ALKBH3: variants seen among roughly 807,000 people sequenced by gnomAD.
The protein encoded by ALKBH3 is alkB homolog 3, alpha-ketoglutarate dependent dioxygenase.
A neutral mutation model predicts 43.9 loss-of-function variants in ALKBH3; 51 were observed. The ratio of observed to expected loss-of-function variants is 1.16; its 90% CI spans 0.93 to 1.47. The LOEUF is 1.47. Ranked by LOEUF, ALKBH3 falls within the 40% of genes most tolerant of loss-of-function variation. The pLI, the probability that ALKBH3 is intolerant of heterozygous loss-of-function variation, is 0.00. For synonymous variants in ALKBH3, 102 were observed against 115.2 expected, an observed-to-expected ratio of 0.89 and a Z score of 0.73; for missense variants, 361 against 351.9, an observed-to-expected ratio of 1.03 and a Z score of -0.21.
chr11:43,919,973 G>A lies in ALKBH3; in HGVS notation c.824G>A (p.Arg275Gln), dbSNP rs1309421862. The A allele has an allele frequency of 6.8e-6, 11 of 1,613,950 alleles. No homozygotes were observed. The highest frequency in any genetic ancestry group is 3.3e-5 in the Admixed American group (2 of 59,976). The part of the protein sequence containing the change: ...SREPRVNLTF[R>Q]TVYPDPRGAP... ...GAACCGAGAGTGAACCTGACCTTTC[G>A]GACAGTCTATCCAGACCCTCGAGGG... Residue 275 changes from arginine to glutamine, a missense_variant, in exon 10 of 10, where the codon CGG (arginine) becomes CAG (glutamine). Coordinates refer to ENST00000302708, the MANE Select transcript of ALKBH3 (RefSeq NM_139178.4).
At chr11:43,896,510 T>G (rs1489669275) in intron 7 of ALKBH3, among the ~76,000 whole-genome samples, 1 of 152,136 alleles carries the variant, frequency 6.6e-6, no homozygotes, top group East Asian at 1.9e-4. Flanking sequence ...CACATTTTTC[T>G]GCCTGCTTTA....
chr11:43,906,752 G>A (rs191788468), intron 8 of ALKBH3, among the ~76,000 whole-genome samples: 131 of 152,272 alleles, frequency 8.6e-4, no homozygotes, highest in African/African-American at 2.9e-3. Flanking sequence ...GAAATCAATT[G>A]TTGATAGCCA....
intron 8 of ALKBH3, among the ~76,000 whole-genome samples, chr11:43,903,162 G>T (rs1034756087): frequency 2.0e-5 from 3 of 152,162 alleles, no homozygotes; most frequent in Admixed American, 1.3e-4. Flanking sequence ...TTAGGGGATT[G>T]GTAGTTGCCG....
In ALKBH3 at chr11:43,883,122, C is replaced by G; in HGVS notation, c.117C>G (p.Gly39=). 1 of 1,614,038 alleles carries G rather than the reference C, an allele frequency of 6.2e-7. No individual in the cohort carries two copies. Among genetic ancestry groups the G allele is most frequent in the Non-Finnish European group, 8.5e-7 (1 of 1,179,996 alleles). ...TAKSHLHQKP[G]QTWKNKEHHL... Reference sequence around the variant, plus strand: ...AGAGCCATCTCCACCAGAAGCCTGGCCAGACCTGGAAGAACAAAGAGCATC... The same window carrying G: ...AGAGCCATCTCCACCAGAAGCCTGGGCAGACCTGGAAGAACAAAGAGCATC... Residue 39 remains glycine (G), a synonymous_variant, in exon 3 of 10, where the codon GGC becomes GGG. Transcript: ENST00000302708.
intron 9 of ALKBH3, 61 bp from the exon 10 acceptor site, chr11:43,919,857 G>A (rs550044385): frequency 3.3e-5 from 47 of 1,443,356 alleles, no homozygotes; most frequent in African/African-American, 1.8e-4. Context: ...GTTTTAAGTC[G>A]CTTTGAACTA....
At chr11:43,918,226 A>G (rs1185764809) in intron 8 of ALKBH3, among the ~76,000 whole-genome samples, 1 of 152,210 alleles carries the variant, frequency 6.6e-6, no homozygotes, top group Admixed American at 6.5e-5. Flanking sequence ...CCTGGTTTTC[A>G]GCTGTGGAGG....
Position 43,880,884 on chromosome 11 carries a change from G to T in ALKBH3, c.-366G>T, listed in dbSNP as rs1342364196. The T allele has an allele frequency of 2.0e-5, 3 of 152,280 alleles. No individual in the cohort carries two copies. The highest frequency in any genetic ancestry group is 2.9e-5 in the Non-Finnish European group (2 of 68,108). The allele number at this position is 152,280 out of a possible 1,614,324, so 9.4% of individuals were successfully genotyped here. A position where few individuals can be genotyped will look rare whatever the true frequency, so the allele number is the denominator to read the frequency against. On this transcript the variant is annotated 5_prime_UTR_variant, in exon 1 of 10. Coordinates refer to ENST00000302708, the MANE Select transcript of ALKBH3 (RefSeq NM_139178.4). ...GAGTGGGTCAGGGGCTGCGAGGGCT[G>T]CCCCAAGTCCTACCGGGTTTGCACG...
chr11:43,906,747 C>A (rs1518813), intron 8 of ALKBH3, among the ~76,000 whole-genome samples: 127,316 of 152,170 alleles, frequency 0.84, 54,122 homozygotes, highest in East Asian at 0.98. Context: ...TACTTGAAAT[C>A]AATTGTTGAT....
chr11:43,883,207 C>T lies in ALKBH3; in HGVS notation c.183+19C>T. The T allele has an allele frequency of 2.5e-6, 4 of 1,586,620 alleles. No homozygotes were observed. Among genetic ancestry groups the T allele is most frequent in the African/African-American group, 2.7e-5 (2 of 74,472 alleles). On this transcript the variant is annotated intron_variant, in intron 3 of 9. Transcript: ENST00000302708. ...TCAGCAGGTAAATTCATGGTTTTTT[C>T]TTCAATAGTGATAAAAATTTGCTTA...
In ALKBH3 at chr11:43,892,069, A is replaced by G; in HGVS notation, c.399A>G (p.Thr133=). Residue 133 remains threonine (T), a synonymous_variant, in exon 7 of 10, where the codon ACA becomes ACG. Transcript: ENST00000302708. ...TAACTTATCAGCAACCAAGACTTAC[A>G]GCATGGTATGGAGAACTTCCTTACA... is the stretch of plus-strand genomic sequence containing the variant. The part of the protein sequence containing the change: ...EDITYQQPRL[T]AWYGELPYTY... The G allele has an allele frequency of 1.2e-6, 2 of 1,613,560 alleles. No homozygotes were observed. Among genetic ancestry groups the G allele is most frequent in the Non-Finnish European group, 1.7e-6 (2 of 1,179,456 alleles).
intron 7 of ALKBH3, among the ~76,000 whole-genome samples, chr11:43,895,820 G>T (rs1037502195): frequency 2.0e-5 from 3 of 152,186 alleles, no homozygotes. Context: ...TCATCATCAT[G>T]CGCTTCCAGT....
At chr11:43,894,667 T>C (rs1236086926) in intron 7 of ALKBH3, among the ~76,000 whole-genome samples, 2 of 152,230 alleles carry the variant, frequency 1.3e-5, no homozygotes, top group Non-Finnish European at 2.9e-5. Context: ...AAAAAGCCCA[T>C]CTTCCTCCTT....
chr11:43,901,655 G>A lies in ALKBH3; in HGVS notation c.599G>A (p.Arg200Lys). Residue 200 changes from arginine (R) to lysine (K), a missense_variant, in exon 8 of 10, where the codon AGG becomes AAG. Arg to Lys is a conservative substitution (Grantham distance 26). Coordinates refer to ENST00000302708, the MANE Select transcript of ALKBH3 (RefSeq NM_139178.4). ...WHSDDEPSLG[R>K]CPIIASLSFG... ...AGTGATGATGAACCCTCACTAGGGA[G>A]GTGCCCCATTATTGCTTCACTAAGT... 1.9e-6 allele frequency: 3 copies of A among 1,614,262 alleles called. No individual in the cohort carries two copies. Among genetic ancestry groups the A allele is most frequent in the East Asian group, 4.5e-5 (2 of 44,884 alleles).
At chr11:43,899,267 G>A in intron 7 of ALKBH3, 1 of 722,570 alleles carries the variant, frequency 1.4e-6, no homozygotes. Context: ...CTGCAAAGGA[G>A]AAGGCGTGCA....
rs1951719376 is a variant in ALKBH3 at position 43,882,588 on chromosome 11, A to T, written c.-65A>T. 1.4e-6 allele frequency: 2 copies of T among 1,451,094 alleles called. No homozygotes were observed. Among genetic ancestry groups the T allele is most frequent in the African/African-American group, 2.8e-5 (2 of 70,232 alleles). 89.9% of individuals were successfully genotyped at this position (1,451,094 alleles called of 1,614,324 possible). A position where few individuals can be genotyped will look rare whatever the true frequency, so the allele number is the denominator to read the frequency against. On this transcript the variant is annotated 5_prime_UTR_variant, in exon 2 of 10. An upstream start codon of the reference 5' UTR is lost. Coordinates refer to ENST00000302708, the MANE Select transcript of ALKBH3 (RefSeq NM_139178.4). ...TGTTTTGTTTTAATAAACAGATACC[A>T]TGGAGTAGTTTGAAACAGGAACAAA... is the stretch of plus-strand genomic sequence containing the variant.
At chr11:43,915,967 A>G (rs1272585142) in intron 8 of ALKBH3, among the ~76,000 whole-genome samples, 1 of 152,256 alleles carries the variant, frequency 6.6e-6, no homozygotes, top group East Asian at 1.9e-4. Flanking sequence ...CAGAGGTTGA[A>G]TAAATAATTA....
At chr11:43,917,017 G>C (rs1053213388) in intron 8 of ALKBH3, 1 of 152,232 alleles carries the variant, frequency 6.6e-6, no homozygotes, top group African/African-American at 2.4e-5. Context: ...AGGGTACACT[G>C]TGTAAGGGTG....
intron 7 of ALKBH3, among the ~76,000 whole-genome samples, chr11:43,896,434 G>T (rs1951819679): frequency 6.6e-6 from 1 of 152,200 alleles, no homozygotes; most frequent in East Asian, 1.9e-4. Flanking sequence ...TCCGATGTTT[G>T]AGGGCAGGAA....
At chr11:43,889,974 G>A in intron 6 of ALKBH3, 146 bp downstream of exon 6, 1 of 665,578 alleles carries the variant, frequency 1.5e-6, no homozygotes, top group African/African-American at 1.8e-5. Flanking sequence ...TAGCCAAAAA[G>A]GACAGGGAAG....
Sources: allele counts gnomAD v4.1 joint callset (sites outside exome capture counted in the v4.1 genomes callset), GRCh38; gene constraint gnomAD v4.1.1; transcripts MANE v1.5; gene names NCBI Gene and HGNC (gene_info 2026-07-23, HGNC 2026-07-21).